The following NUP93 variants were observed in gnomAD, a reference collection of about 807,000 sequenced individuals.
NUP93 encodes nucleoporin 93.
In NUP93, 55 loss-of-function variants were observed where a neutral mutation model predicts 107.8. The ratio of observed to expected loss-of-function variants is 0.51; its 90% CI spans 0.41 to 0.64. NUP93 has a LOEUF of 0.64. Among genes scored for constraint, NUP93 ranks in the 30% least tolerant of loss-of-function variants. The probability of loss-of-function intolerance (pLI) is 0.00; values close to 1 mark genes in which losing one functional copy is unlikely to be tolerated. For synonymous variants in NUP93, 390 were observed against 397.5 expected, an observed-to-expected ratio of 0.98 and a Z score of 0.22; for missense variants, 937 against 1,044.7, an observed-to-expected ratio of 0.90 and a Z score of 1.42.
intron 3 of NUP93, among the ~76,000 whole-genome samples, chr16:56,795,563 C>G (rs987427490): frequency 2.6e-5 from 4 of 152,174 alleles, no homozygotes; most frequent in African/African-American, 9.7e-5. Context: ...CCCCCGTTAT[C>G]AGTATATGTA....
At chr16:56,773,618 T>A (rs1441445707) in intron 3 of NUP93, among the ~76,000 whole-genome samples, 1 of 152,230 alleles carries the variant, frequency 6.6e-6, no homozygotes, top group Non-Finnish European at 1.5e-5. Flanking sequence ...TGGGAACTTT[T>A]AAGAAATGTG....
chr16:56,812,265 C>T (rs1428974907), intron 5 of NUP93, among the ~76,000 whole-genome samples: 1 of 152,024 alleles, frequency 6.6e-6, no homozygotes, highest in Non-Finnish European at 1.5e-5. Context: ...ACATGTTTTT[C>T]CCCCACACCT....
chr16:56,828,174 CACA>C lies in NUP93; in HGVS notation c.795-798_795-796del, dbSNP rs1211929084. 5.8e-4 allele frequency among the ~76,000 whole-genome samples: 82 copies of C among 141,610 alleles called. 1 individual carries two copies. The highest frequency in any genetic ancestry group is 1.3e-3 in the South Asian group (6 of 4,454). The allele number at this position is 141,610 out of a possible 152,430, so 92.9% of individuals were successfully genotyped here. ...AGGCACTGCATCCCAGCCTGGGAACCACAACAAGACCCTGCCTCTTAAAAAAAA... is the reference window on the plus strand; with the variant it reads ...AGGCACTGCATCCCAGCCTGGGAACCACAAGACCCTGCCTCTTAAAAAAAA... On this transcript the variant is annotated intron_variant, in intron 8 of 21. Coordinates refer to ENST00000308159, the MANE Select transcript of NUP93 (RefSeq NM_014669.5).
intron 2 of NUP93, among the ~76,000 whole-genome samples, chr16:56,756,308 C>G (rs1322303002): frequency 1.1e-5 from 1 of 94,468 alleles, no homozygotes; most frequent in East Asian, 3.6e-4. Flanking sequence ...CCCCCCCCCC[C>G]CGACAGGCTC....
chr16:56,758,072 GA>G lies in NUP93; in HGVS notation c.180-454del, dbSNP rs74269902. On this transcript the variant is annotated intron_variant, in intron 2 of 21. Coordinates refer to ENST00000308159, the MANE Select transcript of NUP93 (RefSeq NM_014669.5). Reference sequence around the variant, plus strand: ...GACGACAGAGTGACACTCTGTCTCAGAAAAAAAAAAAAGTTGGGGGGAGCTT... The same window carrying G: ...GACGACAGAGTGACACTCTGTCTCAGAAAAAAAAAAAGTTGGGGGGAGCTT... 9.6e-3 allele frequency among the ~76,000 whole-genome samples: 662 copies of G among 69,244 alleles called. 6 individuals carry two copies. The highest frequency in any genetic ancestry group is 0.04 in the African/African-American group (597 of 14,830). 45.4% of individuals were successfully genotyped at this position (69,244 alleles called of 152,430 possible).
At position 56,832,400 on chromosome 16, in the gene NUP93, G is replaced by A; in HGVS notation, c.1345+12G>A. 6.2e-7 allele frequency: 1 copy of A among 1,600,746 alleles called. No homozygotes were observed. The highest frequency in any genetic ancestry group is 8.6e-7 in the Non-Finnish European group (1 of 1,167,876). Reference sequence around the variant, plus strand: ...GTTGGAAGACTATGGTAAGATTCTGGACATAACCACCTTTCCCTTCTCTTG... The same window carrying A: ...GTTGGAAGACTATGGTAAGATTCTGAACATAACCACCTTTCCCTTCTCTTG... On this transcript the variant is annotated intron_variant, in intron 12 of 21. Coordinates refer to ENST00000308159, the MANE Select transcript of NUP93 (RefSeq NM_014669.5).
At chr16:56,791,393 A>G (rs1195280154) in intron 3 of NUP93, among the ~76,000 whole-genome samples, 1 of 152,238 alleles carries the variant, frequency 6.6e-6, no homozygotes, top group Admixed American at 6.5e-5. Flanking sequence ...GAAAGAACCA[A>G]TGTGAGCACT....
intron 15 of NUP93, 59 bp from the exon 16 acceptor site, chr16:56,834,675 T>C: frequency 6.8e-7 from 1 of 1,477,902 alleles, no homozygotes; most frequent in Non-Finnish European, 9.4e-7. Flanking sequence ...CTCTGAAGAC[T>C]TATGGAATAT....
rs1223133203 is a variant in NUP93, at chr16:56,844,530, C to G, written c.2381C>G (p.Thr794Ser). 6.5e-7 allele frequency: 1 copy of G among 1,535,820 alleles called. No homozygotes were observed. Among genetic ancestry groups the G allele is most frequent in the Admixed American group, 2.1e-5 (1 of 48,580 alleles). ...QLRSQARTLITFAGMIPYRTS... is the reference protein window; with the variant it reads ...QLRSQARTLISFAGMIPYRTS... ...CGAAGTCAAGCCCGCACTCTGATTA[C>G]CTTTGCTGGAATGATACCATACCGA... is the stretch of plus-strand genomic sequence containing the variant. The change falls in exon 22 of 22, where the codon ACC becomes AGC. Residue 794 changes from threonine (T) to serine (S), a missense_variant. By Grantham distance (58) the Thr-to-Ser change is moderately conservative (BLOSUM62 1). Transcript: ENST00000308159.
chr16:56,844,902 T>C lies in NUP93; in HGVS notation c.*293T>C, dbSNP rs1964097589. 2.6e-6 allele frequency: 1 copy of C among 390,148 alleles called. No individual in the cohort carries two copies. Among genetic ancestry groups the C allele is most frequent in the South Asian group, 1.4e-4 (1 of 6,996 alleles). 24.2% of individuals were successfully genotyped at this position (390,148 alleles called of 1,614,324 possible). On this transcript the variant is annotated 3_prime_UTR_variant, in exon 22 of 22. Transcript: ENST00000308159. ...GGCTATGTAGATATTCATTATTTGGTTAAATTGACCTTAATTAATTAAAAA... is the reference window on the plus strand; with the variant it reads ...GGCTATGTAGATATTCATTATTTGGCTAAATTGACCTTAATTAATTAAAAA...
chr16:56,776,005 T>A (rs1249966546), intron 3 of NUP93, among the ~76,000 whole-genome samples: 2 of 152,128 alleles, frequency 1.3e-5, no homozygotes, highest in African/African-American at 2.4e-5. Context: ...TTTATATATT[T>A]TTTTTTTCTT....
chr16:56,808,593 T>C (rs1363010584), intron 5 of NUP93, among the ~76,000 whole-genome samples: 1 of 130,556 alleles, frequency 7.7e-6, no homozygotes, highest in East Asian at 2.1e-4. Flanking sequence ...TTTATAAATA[T>C]ATAAATACAT....
At chr16:56,796,343 C>T (rs1424294216) in intron 3 of NUP93, among the ~76,000 whole-genome samples, 2 of 152,164 alleles carry the variant, frequency 1.3e-5, no homozygotes, top group Non-Finnish European at 2.9e-5. Context: ...AGTACAGTAA[C>T]ATGCTGTACA....
intron 3 of NUP93, among the ~76,000 whole-genome samples, chr16:56,792,327 A>G (rs545353553): frequency 4.6e-5 from 7 of 152,086 alleles, no homozygotes; most frequent in Admixed American, 1.3e-4. Flanking sequence ...TATGTAATGT[A>G]TGGGGGGGAG....
intron 1 of NUP93, among the ~76,000 whole-genome samples, chr16:56,746,230 G>T (rs183401629): frequency 6.6e-6 from 1 of 152,220 alleles, no homozygotes; most frequent in Admixed American, 6.5e-5. Flanking sequence ...AATGACCATG[G>T]TTTCGTGTAA....
chr16:56,810,326 C>T (rs1282049309), intron 5 of NUP93, among the ~76,000 whole-genome samples: 17 of 152,172 alleles, frequency 1.1e-4, no homozygotes, highest in African/African-American at 4.1e-4. Context: ...GAAAAGTGCA[C>T]AGACGTAAGT....
rs1213236399 is a variant in NUP93, at chr16:56,847,277, T to C, written c.*2668T>C. The C allele has an allele frequency of 6.6e-6, 1 of 152,238 alleles. No homozygotes were observed. Among genetic ancestry groups the C allele is most frequent in the Non-Finnish European group, 1.5e-5 (1 of 68,054 alleles). 9.4% of individuals were successfully genotyped at this position (152,238 alleles called of 1,614,324 possible). A position where few individuals can be genotyped will look rare whatever the true frequency, so the allele number is the denominator to read the frequency against. ...GCAAGGCCACAACATCAGGTTGTCATGTACCCATCATTACAGCTTATGCCC... is the reference window on the plus strand; with the variant it reads ...GCAAGGCCACAACATCAGGTTGTCACGTACCCATCATTACAGCTTATGCCC... On this transcript the variant is annotated 3_prime_UTR_variant, in exon 22 of 22. Coordinates refer to ENST00000308159, the MANE Select transcript of NUP93 (RefSeq NM_014669.5).
intron 3 of NUP93, among the ~76,000 whole-genome samples, chr16:56,768,993 TC>T (rs1360580737): frequency 6.6e-6 from 1 of 152,156 alleles, no homozygotes; most frequent in African/African-American, 2.4e-5. Flanking sequence ...CATTTAATCT[TC>T]CCAGCAACCC....
chr16:56,798,499 C>G lies in NUP93; in HGVS notation c.321C>G (p.Asp107Glu), dbSNP rs372055823. ...AGGGCTTCCTGAAGAATGAGAAGGA[C>G]AATGCCCTGCTGTCTGCCATCGAAG... ...DIQGFLKNEK[D>E]NALLSAIEES... Residue 107 changes from aspartate (D) to glutamate (E), a missense_variant, in exon 4 of 22, where the codon GAC becomes GAG. By Grantham distance (45) the Asp-to-Glu change is conservative. Transcript: ENST00000308159. 1 of 1,614,060 alleles carries G rather than the reference C, an allele frequency of 6.2e-7. No homozygotes were observed. Among genetic ancestry groups the G allele is most frequent in the Admixed American group, 1.7e-5 (1 of 60,022 alleles).
Sources: allele counts gnomAD v4.1 joint callset (sites outside exome capture counted in the v4.1 genomes callset), GRCh38; gene constraint gnomAD v4.1.1; transcripts MANE v1.5; gene names NCBI Gene and HGNC (gene_info 2026-07-23, HGNC 2026-07-21).